The following KCNG2 variants were observed in gnomAD, a reference collection of about 807,000 sequenced individuals.
KCNG2 encodes voltage-gated potassium channel regulatory subunit KCNG2.
A neutral mutation model predicts 12.3 loss-of-function variants in KCNG2; 7 were observed. The observed-to-expected ratio is 0.57, with a 90% CI of 0.32 to 1.07. KCNG2 has a LOEUF of 1.07. KCNG2 is among the 50% of genes least tolerant of loss of function. The pLI is 0.04. For synonymous variants in KCNG2, 414 were observed against 351.4 expected, an observed-to-expected ratio of 1.18 and a Z score of -1.99; for missense variants, 703 against 726.0, an observed-to-expected ratio of 0.97 and a Z score of 0.36.
rs7233469 is a variant in KCNG2 at position 79,899,846 on chromosome 18, G to T, written c.*30G>T. The T allele has an allele frequency of 2.5e-4, 330 of 1,314,528 alleles. No individual in the cohort carries two copies. The African/African-American group carries it at 4.8e-3, about 19-fold the overall frequency. 81.4% of individuals were successfully genotyped at this position (1,314,528 alleles called of 1,614,324 possible). A position where few individuals can be genotyped will look rare whatever the true frequency, so the allele number is the denominator to read the frequency against. ...TGCGCCGCCCACACGGAGACCCCCT[G>T]CCCCCTCCAGCTGCAGCGTCGGGAC... On this transcript the variant is annotated 3_prime_UTR_variant, in exon 4 of 4. Transcript: ENST00000316249.
At chr18:79,878,030 G>A (rs1173887835) in intron 3 of KCNG2, among the ~76,000 whole-genome samples, 2 of 152,258 alleles carry the variant, frequency 1.3e-5, no homozygotes, top group East Asian at 1.9e-4. Flanking sequence ...TCCGTCCCAC[G>A]TTGCGGTTCC....
At chr18:79,833,137 G>T (rs1358224035) in intron 1 of KCNG2, among the ~76,000 whole-genome samples, 2 of 151,824 alleles carry the variant, frequency 1.3e-5, no homozygotes, top group Non-Finnish European at 2.9e-5. Flanking sequence ...TTGCTACAGG[G>T]TTTTTTTTGT....
At chr18:79,850,229 G>A (rs141656590) in intron 1 of KCNG2, among the ~76,000 whole-genome samples, 4 of 152,250 alleles carry the variant, frequency 2.6e-5, no homozygotes, top group Admixed American at 2.0e-4. Context: ...TCATACAGCC[G>A]AAGCCCCTCC....
At chr18:79,850,161 T>A (rs1978769324) in intron 1 of KCNG2, among the ~76,000 whole-genome samples, 1 of 152,182 alleles carries the variant, frequency 6.6e-6, no homozygotes, top group African/African-American at 2.4e-5. Flanking sequence ...CCGAAGCCCC[T>A]CCCTCTGTCT....
In KCNG2 at chr18:79,863,801, G is replaced by T; in HGVS notation, c.134G>T (p.Arg45Leu). 1 of 1,315,044 alleles carries T rather than the reference G, an allele frequency of 7.6e-7. No homozygotes were observed. The allele number at this position is 1,315,044 out of a possible 1,614,324, so 81.5% of individuals were successfully genotyped here. ...CGATGCCCCCTCGCGCGCCTGGAGC[G>T]CCTGCGCGCCTGCCGCGGCCACGAC... ...LARCPLARLE[R>L]LRACRGHDDL... The change falls in exon 3 of 4, where the codon CGC (arginine) becomes CTC (leucine). Residue 45 changes from arginine (R) to leucine (L), a missense_variant. Coordinates refer to ENST00000316249, the MANE Select transcript of KCNG2 (RefSeq NM_012283.2).
chr18:79,898,940 TG>T, intron 3 of KCNG2, 99 bp from the exon 4 acceptor site: 1 of 870,448 alleles, frequency 1.1e-6, no homozygotes, highest in Non-Finnish European at 1.7e-6. Context: ...GCGGGAAGGG[TG>T]GCCTGGGGGA....
intron 3 of KCNG2, among the ~76,000 whole-genome samples, chr18:79,882,163 C>T: frequency 1.3e-5 from 2 of 152,284 alleles, no homozygotes; most frequent in Non-Finnish European, 1.5e-5. Context: ...CCAGACGTGG[C>T]GTCAGATACG....
At chr18:79,885,311 T>A (rs1980481826) in intron 3 of KCNG2, among the ~76,000 whole-genome samples, 2 of 152,164 alleles carry the variant, frequency 1.3e-5, no homozygotes, top group Non-Finnish European at 2.9e-5. Flanking sequence ...AACGTAGACT[T>A]TTTTTCTGAC....
intron 2 of KCNG2, among the ~76,000 whole-genome samples, 199 bp downstream of exon 2, chr18:79,856,651 G>A (rs977478545): frequency 1.1e-4 from 17 of 152,148 alleles, no homozygotes; most frequent in East Asian, 3.9e-4. Flanking sequence ...AGCCCCTTCC[G>A]AACCCCGCCT....
chr18:79,851,662 A>AATGTGTCAATGTGTGTGAATGTGTATGC (rs1978823360), intron 1 of KCNG2, among the ~76,000 whole-genome samples: 1 of 151,744 alleles, frequency 6.6e-6, no homozygotes, highest in African/African-American at 2.4e-5. Flanking sequence ...AATGTGTGTG[A>AATGTGTCAATGTGTGTGAATGTGTATGC]ATGTGTCAAT....
chr18:79,891,696 TATTA>T (rs1435674613), intron 3 of KCNG2, among the ~76,000 whole-genome samples: 2 of 152,372 alleles, frequency 1.3e-5, no homozygotes, highest in African/African-American at 2.4e-5. Flanking sequence ...TTTCTCCTGT[TATTA>T]ATTTCTAATA....
chr18:79,887,222 CACAGGG>C (rs1188793999), intron 3 of KCNG2, among the ~76,000 whole-genome samples: 4 of 150,592 alleles, frequency 2.7e-5, no homozygotes, highest in African/African-American at 4.9e-5. Flanking sequence ...GATATAGGGT[CACAGGG>C]ACAGGGACAC....
In KCNG2 at chr18:79,888,247, G is replaced by A. The variant is rs143748339; in HGVS notation, c.625-10793G>A. ...GTGGGGACCACGTTTGGGGTGGCAC[G>A]CTGGGACCAGTCCACGGGGCTTCCA... On this transcript the variant is annotated intron_variant, in intron 3 of 3. Coordinates refer to ENST00000316249, the MANE Select transcript of KCNG2 (RefSeq NM_012283.2). Among the ~76,000 whole-genome samples the A allele has an allele frequency of 7.3e-3, 1,109 of 152,210 alleles. 7 individuals are homozygous for A. Among genetic ancestry groups the A allele is most frequent in the Non-Finnish European group, 0.012 (796 of 68,000 alleles).
intron 1 of KCNG2, among the ~76,000 whole-genome samples, chr18:79,846,138 C>T (rs1301537296): frequency 6.6e-6 from 1 of 150,710 alleles, no homozygotes; most frequent in African/African-American, 2.5e-5. Context: ...TTTGGGAGGC[C>T]GAGGCAGGTG....
chr18:79,811,275 A>G (rs1459125552), intron 1 of KCNG2, among the ~76,000 whole-genome samples: 1 of 152,244 alleles, frequency 6.6e-6, no homozygotes, highest in Non-Finnish European at 1.5e-5. Context: ...AGTGAAAAAA[A>G]TCTTTAAAAA....
At chr18:79,825,691 T>C (rs1440325606) in intron 1 of KCNG2, among the ~76,000 whole-genome samples, 2 of 152,260 alleles carry the variant, frequency 1.3e-5, no homozygotes, top group Non-Finnish European at 2.9e-5. Flanking sequence ...TGTCATTTCA[T>C]AGGGCTTCAG....
At chr18:79,825,419 G>A (rs948915443) in intron 1 of KCNG2, among the ~76,000 whole-genome samples, 1 of 152,216 alleles carries the variant, frequency 6.6e-6, no homozygotes, top group Non-Finnish European at 1.5e-5. Context: ...CGTGTTTACC[G>A]TCAGTTTACG....
rs140508031 is a variant in KCNG2 at position 79,871,054 on chromosome 18, A to C, written c.624+6763A>C. Among the ~76,000 whole-genome samples, 33 of 152,012 alleles carry C rather than the reference A, an allele frequency of 2.2e-4. 1 individual carries two copies. In the East Asian group the frequency reaches 5.3e-3, roughly 24 times the overall value. ...CCAAAGACCAGCACCGAGAGACCAG[A>C]GCTGTGGTTTCCGTCGAGCCTGAGG... is the stretch of plus-strand genomic sequence containing the variant. On this transcript the variant is annotated intron_variant, in intron 3 of 3. Transcript: ENST00000316249.
At position 79,807,778 on chromosome 18, in the gene KCNG2, C is replaced by T. The variant is rs113217064; in HGVS notation, c.-115+9764C>T. On this transcript the variant is annotated intron_variant, in intron 1 of 3. Transcript: ENST00000316249. ...CAGAGTCCTCGCCCTGAGGAGCTGC[C>T]GGGGCCGCGCTGACCACACTCCACG... Among the ~76,000 whole-genome samples the T allele has an allele frequency of 1.0e-3, 152 of 149,310 alleles. 2 individuals are homozygous for T. The highest frequency in any genetic ancestry group is 3.7e-3 in the African/African-American group (150 of 40,148).
Sources: allele counts gnomAD v4.1 joint callset (sites outside exome capture counted in the v4.1 genomes callset), GRCh38; gene constraint gnomAD v4.1.1; transcripts MANE v1.5; gene names NCBI Gene and HGNC (gene_info 2026-07-23, HGNC 2026-07-21).